The following ZFYVE28 variants were observed in gnomAD, a reference collection of about 807,000 sequenced individuals.
ZFYVE28 encodes the protein zinc finger FYVE-type containing 28.
In ZFYVE28, 40 loss-of-function variants were observed where a neutral mutation model predicts 82.1. The ratio of observed to expected loss-of-function variants is 0.49; its 90% confidence interval spans 0.38 to 0.63. ZFYVE28 has a LOEUF of 0.63. Among genes scored for constraint, ZFYVE28 ranks in the 30% least tolerant of loss-of-function variants. ZFYVE28 has a pLI of 0.00. For synonymous variants in ZFYVE28, 612 were observed against 546.1 expected (o/e 1.12, Z -1.68); for missense variants, 1,321 against 1,242.1 (o/e 1.06, Z -0.96).
chr4:2,395,458 C>G (rs1439253724), intron 1 of ZFYVE28, among the ~76,000 whole-genome samples: 1 of 152,234 alleles, frequency 6.6e-6, no homozygotes, highest in Non-Finnish European at 1.5e-5. Flanking sequence ...ACGCTCTCCC[C>G]ACACACAGGC....
In ZFYVE28 at chr4:2,408,615, C is replaced by T. The variant is rs1175061889; in HGVS notation, c.39+9670G>A. The stretch of plus-strand genomic sequence containing the variant: ...CAGGTAAGCCCCATCTAGATGAAGC[C>T]CCACCCAGGTAAGCCCACCTAGATG... On this transcript the variant is annotated intron_variant, in intron 1 of 12. Transcript: ENST00000290974. This position sits in a 1 kb window ranked among gnomAD's most constrained non-coding sequence, Gnocchi z 4.3. Among the ~76,000 whole-genome samples, 1 of 152,100 alleles carries T rather than the reference C, an allele frequency of 6.6e-6. No individual in the cohort carries two copies. Among genetic ancestry groups the T allele is most frequent in the Non-Finnish European group, 1.5e-5 (1 of 68,016 alleles).
At chr4:2,371,530 C>T (rs949546942) in intron 1 of ZFYVE28, among the ~76,000 whole-genome samples, 1 of 152,108 alleles carries the variant, frequency 6.6e-6, no homozygotes, top group Admixed American at 6.5e-5. Context: ...AAAATATTGA[C>T]GATGTTCCAG....
chr4:2,374,679 A>G (rs549317632), intron 1 of ZFYVE28, among the ~76,000 whole-genome samples: 2 of 152,310 alleles, frequency 1.3e-5, no homozygotes, highest in South Asian at 4.1e-4. Flanking sequence ...TTTTTAAGCA[A>G]GTATTTGTGT....
intron 10 of ZFYVE28, 45 bp from the exon 11 acceptor site, chr4:2,271,824 C>G (rs774112174): frequency 1.3e-6 from 2 of 1,570,994 alleles, no homozygotes; most frequent in South Asian, 2.2e-5. Flanking sequence ...GGGAGGCGGG[C>G]AATTGATGCA....
At chr4:2,279,848 C>G (rs966289704) in intron 8 of ZFYVE28, among the ~76,000 whole-genome samples, 3 of 151,694 alleles carry the variant, frequency 2.0e-5, no homozygotes, top group African/African-American at 7.3e-5. Flanking sequence ...ACAGGCGAAA[C>G]CCATAGGGGC....
At chr4:2,401,852 C>G (rs1731220388) in intron 1 of ZFYVE28, among the ~76,000 whole-genome samples, 1 of 152,182 alleles carries the variant, frequency 6.6e-6, no homozygotes, top group African/African-American at 2.4e-5. Flanking sequence ...GGCCCAAGAC[C>G]TGGGCTGCGT....
At position 2,271,547 on chromosome 4, in the gene ZFYVE28, G is replaced by A. The variant is rs142967759; in HGVS notation, c.2428+128C>T. On this transcript the variant is annotated intron_variant, in intron 11 of 12. Coordinates refer to ENST00000290974, the MANE Select transcript of ZFYVE28 (RefSeq NM_020972.3). ...GCCTCCAGCCAGCCTCCGGGGGGGC[G>A]GTCTCCCAGCTCCCACATGCCCGGA... 843 of 1,399,626 alleles carry A rather than the reference G, an allele frequency of 6.0e-4. 14 individuals are homozygous for A. In the East Asian group the frequency reaches 0.017, roughly 29 times the overall value. The allele number at this position is 1,399,626 out of a possible 1,614,324, so 86.7% of individuals were successfully genotyped here.
rs747547829 is a variant in ZFYVE28 at position 2,339,673 on chromosome 4, C to T, written c.319-18G>A. 1.3e-6 allele frequency: 2 copies of T among 1,577,130 alleles called. No individual in the cohort carries two copies. The highest frequency in any genetic ancestry group is 8.6e-7 in the Non-Finnish European group (1 of 1,162,560). ...GCCAGGCACTGCGGGAGGGGACACA[C>T]TCAGGGAGGGGCCCGGGTGAGGGCC... On this transcript the variant is annotated intron_variant, in intron 3 of 12. Transcript: ENST00000290974. This position sits in a 1 kb window ranked among gnomAD's most constrained non-coding sequence, Gnocchi z 5.0.
chr4:2,302,127 C>T (rs1276320743), intron 8 of ZFYVE28, among the ~76,000 whole-genome samples: 1 of 152,198 alleles, frequency 6.6e-6, no homozygotes, highest in Non-Finnish European at 1.5e-5. Context: ...GGCCCTTCAC[C>T]AAATACGGGG....
chr4:2,320,238 G>A lies in ZFYVE28; in HGVS notation c.735C>T (p.Asn245=). Residue 245 remains asparagine (N), a synonymous_variant, in exon 7 of 13, where the codon AAC becomes AAT. Coordinates refer to ENST00000290974, the MANE Select transcript of ZFYVE28 (RefSeq NM_020972.3). The surrounding 1 kb of genome is among the most constrained non-coding windows in gnomAD (Gnocchi z 5.1). ...GLVVYADGPL[N]LDRKVEDMSE... ...ACATGTCTTCCACCTTGCGGTCCAAGTTCAGAGGTCCGTCCGCATAGACCA... is the reference window on the plus strand; with the variant it reads ...ACATGTCTTCCACCTTGCGGTCCAAATTCAGAGGTCCGTCCGCATAGACCA... 1 of 1,613,624 alleles carries A rather than the reference G, an allele frequency of 6.2e-7. No individual in the cohort carries two copies. The highest frequency in any genetic ancestry group is 1.7e-4 in the Middle Eastern group (1 of 6,060).
At chr4:2,286,923 T>G (rs1712834376) in intron 8 of ZFYVE28, 1 of 152,170 alleles carries the variant, frequency 6.6e-6, no homozygotes, top group African/African-American at 2.4e-5. Context: ...GATCTTGAGA[T>G]GAAACCATCC....
rs1724845332 is a variant in ZFYVE28 at position 2,353,917 on chromosome 4, C to T, written c.180+16G>A. ...GCCCAGCGGGGCCAGCCAGCTTCTG[C>T]TGCCCCGTGGCTCACCTGACAGGAG... is the stretch of plus-strand genomic sequence containing the variant. On this transcript the variant is annotated intron_variant, in intron 2 of 12. Transcript: ENST00000290974. The T allele has an allele frequency of 2.7e-6, 4 of 1,493,164 alleles. No homozygotes were observed. The highest frequency in any genetic ancestry group is 2.1e-5 in the Admixed American group (1 of 46,872). The allele number at this position is 1,493,164 out of a possible 1,614,324, so 92.5% of individuals were successfully genotyped here.
chr4:2,270,541 G>A lies in ZFYVE28; in HGVS notation c.*184C>T, dbSNP rs1250393255. ...TGACCTCTTGTTGGCCCCTGCAGCC[G>A]GCCCGGGGTCCCTGCAGGGAGGCTA... On this transcript the variant is annotated 3_prime_UTR_variant, in exon 13 of 13. Transcript: ENST00000290974. The A allele has an allele frequency of 2.1e-5, 18 of 867,694 alleles. No individual in the cohort carries two copies. The highest frequency in any genetic ancestry group is 3.6e-4 in the Middle Eastern group (1 of 2,768). The allele number at this position is 867,694 out of a possible 1,614,324, so 53.7% of individuals were successfully genotyped here.
At chr4:2,326,813 G>T (rs1251979447) in intron 6 of ZFYVE28, among the ~76,000 whole-genome samples, 1 of 152,054 alleles carries the variant, frequency 6.6e-6, no homozygotes, top group Admixed American at 6.6e-5. Flanking sequence ...TTATTCTCTT[G>T]ATTTCTTTTT....
chr4:2,306,445 G>A (rs1050892070), intron 7 of ZFYVE28, among the ~76,000 whole-genome samples: 2 of 152,196 alleles, frequency 1.3e-5, no homozygotes, highest in African/African-American at 2.4e-5. Context: ...CCTGGCTCTC[G>A]CATGACACCA....
intron 2 of ZFYVE28, among the ~76,000 whole-genome samples, chr4:2,353,517 C>T (rs981890637): frequency 6.6e-6 from 1 of 152,200 alleles, no homozygotes; most frequent in Admixed American, 6.5e-5. Flanking sequence ...TTTTTAGCGG[C>T]AGCTTCCAGG....
Position 2,404,490 on chromosome 4 carries a change from G to A in ZFYVE28, c.39+13795C>T, listed in dbSNP as rs905042115. Among the ~76,000 whole-genome samples, 28 of 98,872 alleles carry A rather than the reference G, an allele frequency of 2.8e-4. No homozygotes were observed. The Admixed American group carries it at 3.1e-3, about 11-fold the overall frequency. 64.9% of individuals were successfully genotyped at this position (98,872 alleles called of 152,430 possible). On this transcript the variant is annotated intron_variant, in intron 1 of 12. Coordinates refer to ENST00000290974, the MANE Select transcript of ZFYVE28 (RefSeq NM_020972.3). ...GCAGGTGAATGGAAAACAAAAAGTG[G>A]TCTGTCCACTAATGGAATATTATTC... is the stretch of plus-strand genomic sequence containing the variant.
At chr4:2,295,227 T>C (rs1577943538) in intron 8 of ZFYVE28, among the ~76,000 whole-genome samples, 1 of 152,188 alleles carries the variant, frequency 6.6e-6, no homozygotes, top group East Asian at 1.9e-4. Context: ...AGTGACGCAA[T>C]CTTGGCTCAT....
rs1405491964 is a variant in ZFYVE28 at position 2,304,983 on chromosome 4, C to T, written c.1357G>A (p.Glu453Lys). Residue 453 changes from glutamate to lysine, a missense_variant, in exon 8 of 13, where the codon GAA becomes AAA. By Grantham distance (56) the Glu-to-Lys change is moderately conservative (BLOSUM62 1). Around this residue, in one of 2 missense-constraint regions of ZFYVE28, gnomAD observed 978 missense variants for 833.7 expected, o/e 1.17. Coordinates refer to ENST00000290974, the MANE Select transcript of ZFYVE28 (RefSeq NM_020972.3). ...GAAGISLPASEKEEDLSNNNL... is the reference protein window; with the variant it reads ...GAAGISLPASKKEEDLSNNNL... ...TTGTTGCTCAAGTCCTCCTCCTTTT[C>T]CGAGGCGGGCAAGCTGATCCCCGCC... The T allele has an allele frequency of 6.2e-7, 1 of 1,612,736 alleles. No homozygotes were observed.
Sources: allele counts gnomAD v4.1 joint callset (sites outside exome capture counted in the v4.1 genomes callset), GRCh38; gene constraint gnomAD v4.1.1; regional missense constraint gnomAD v4.1.1; non-coding constraint Gnocchi (gnomAD v3.1); transcripts MANE v1.5; gene names NCBI Gene and HGNC (gene_info 2026-07-23, HGNC 2026-07-21).